FRMD6: variants seen among roughly 807,000 people sequenced by gnomAD.
FRMD6 encodes FERM domain-containing protein 6.
A neutral mutation model predicts 73.2 loss-of-function variants in FRMD6; 37 were observed. That is an observed-to-expected ratio of 0.51 (90% CI 0.39 to 0.66). The LOEUF is 0.66. Ranked by LOEUF, FRMD6 falls within the 30% of genes least tolerant of loss-of-function variation. The probability of loss-of-function intolerance (pLI) is 0.00; values close to 1 mark genes in which losing one functional copy is unlikely to be tolerated. For synonymous variants in FRMD6, 273 were observed against 282.2 expected (o/e 0.97, Z 0.33); for missense variants, 714 against 780.5 (o/e 0.91, Z 1.02).
chr14:51,647,207 T>G (rs1892115730), upstream of FRMD6, among the ~76,000 whole-genome samples: 1 of 152,226 alleles, frequency 6.6e-6, no homozygotes, highest in Admixed American at 6.5e-5. Flanking sequence ...TTTAATGAAT[T>G]TAATTTTTTC....
the FRMD6 span, among the ~76,000 whole-genome samples, chr14:51,480,612 C>T: frequency 6.6e-6 from 1 of 152,070 alleles, no homozygotes; most frequent in African/African-American, 2.4e-5. Context: ...TATACAATGA[C>T]TACATTGATT....
intron 1 of FRMD6, among the ~76,000 whole-genome samples, chr14:51,498,673 T>G (rs986258075): frequency 5.3e-5 from 8 of 152,184 alleles, no homozygotes; most frequent in Non-Finnish European, 2.9e-5. Flanking sequence ...GGTGGCAGTG[T>G]TCTGAGAGTA....
At chr14:51,610,329 C>CTTT (rs141213133) in intron 2 of FRMD6, among the ~76,000 whole-genome samples, 3 of 138,606 alleles carry the variant, frequency 2.2e-5, no homozygotes, top group Non-Finnish European at 3.2e-5. Flanking sequence ...TTTTTAATCC[C>CTTT]TTTTTTTTTA....
chr14:51,727,618 G>T (rs781378665), intron 13 of FRMD6, 127 bp from the exon 14 acceptor site: 14 of 872,992 alleles, frequency 1.6e-5, no homozygotes, highest in African/African-American at 3.4e-5. Flanking sequence ...AGAAACCACA[G>T]ATTGGAAACC....
chr14:51,587,238 C>T (rs1889100429), intron 2 of FRMD6, among the ~76,000 whole-genome samples: 1 of 152,150 alleles, frequency 6.6e-6, no homozygotes, highest in African/African-American at 2.4e-5. Context: ...GTTCCCTATT[C>T]TGTTCCATTG....
At chr14:51,522,100 A>G (rs1176003568) in intron 1 of FRMD6, among the ~76,000 whole-genome samples, 3 of 152,184 alleles carry the variant, frequency 2.0e-5, no homozygotes, top group Non-Finnish European at 2.9e-5. Flanking sequence ...ATAAAGTGAA[A>G]AGATAGAATT....
chr14:51,396,624 A>G, the FRMD6 span, among the ~76,000 whole-genome samples: 2 of 152,162 alleles, frequency 1.3e-5, no homozygotes, highest in Non-Finnish European at 2.9e-5. Flanking sequence ...ACACGTCCAG[A>G]GGTGAAGGCA....
chr14:51,436,960 C>T, the FRMD6 span: 2 of 950,664 alleles, frequency 2.1e-6, no homozygotes, highest in Non-Finnish European at 1.6e-6. Context: ...GAGAAGATGA[C>T]TAACAGAACA....
chr14:51,606,563 A>G (rs139482114), intron 2 of FRMD6, among the ~76,000 whole-genome samples: 40 of 152,292 alleles, frequency 2.6e-4, no homozygotes, highest in African/African-American at 7.2e-4. Flanking sequence ...CAGTCCATGA[A>G]TTATTTCTAT....
At chr14:51,722,993 A>G in intron 12 of FRMD6, among the ~76,000 whole-genome samples, 1 of 152,226 alleles carries the variant, frequency 6.6e-6, no homozygotes, top group East Asian at 1.9e-4. Flanking sequence ...CTTCAAGAGC[A>G]GGAGGCATCT....
At chr14:51,472,496 A>G in the FRMD6 span, among the ~76,000 whole-genome samples, 258 of 152,110 alleles carry the variant, frequency 1.7e-3, no homozygotes, top group Non-Finnish European at 1.8e-3. Context: ...GTAGAGACAG[A>G]GTTTCACCGT....
At chr14:51,696,867 G>A (rs1895975010) in intron 2 of FRMD6, among the ~76,000 whole-genome samples, 1 of 151,992 alleles carries the variant, frequency 6.6e-6, no homozygotes, top group Admixed American at 6.6e-5. Flanking sequence ...TCCTTGAAAG[G>A]ATACTTGTCC....
chr14:51,664,138 T>C (rs1175763695), intron 1 of FRMD6, among the ~76,000 whole-genome samples: 1 of 152,204 alleles, frequency 6.6e-6, no homozygotes, highest in Non-Finnish European at 1.5e-5. Context: ...TTGATCTGAC[T>C]AGGCCACACA....
At chr14:51,478,066 A>G in the FRMD6 span, among the ~76,000 whole-genome samples, 1 of 152,136 alleles carries the variant, frequency 6.6e-6, no homozygotes, top group Non-Finnish European at 1.5e-5. Flanking sequence ...GTTATATGAC[A>G]TGTTATATCT....
intron 1 of FRMD6, among the ~76,000 whole-genome samples, chr14:51,655,947 TTTTG>T (rs1303612063): frequency 1.3e-5 from 2 of 152,232 alleles, no homozygotes; most frequent in African/African-American, 4.8e-5. Context: ...TGGAAACATT[TTTTG>T]TTTAAGTGCT....
intron 11 of FRMD6, among the ~76,000 whole-genome samples, chr14:51,721,732 G>A (rs77401796): frequency 0.35 from 38,441 of 109,516 alleles, 6,636 homozygotes; most frequent in African/African-American, 0.47. Context: ...GGGAGGAAGG[G>A]AGGGAGGAAG....
the FRMD6 span, among the ~76,000 whole-genome samples, chr14:51,466,017 A>G: frequency 1.3e-5 from 2 of 152,336 alleles, no homozygotes; most frequent in South Asian, 4.1e-4. Flanking sequence ...ATAAAATTTC[A>G]CTGTCGTTTT....
intron 1 of FRMD6, among the ~76,000 whole-genome samples, chr14:51,556,487 A>G (rs1200413822): frequency 1.3e-5 from 2 of 152,136 alleles, no homozygotes; most frequent in African/African-American, 4.8e-5. Context: ...CTGTGGTGAC[A>G]TTTACTTAAT....
the FRMD6 span, among the ~76,000 whole-genome samples, chr14:51,400,785 G>T: frequency 1.3e-5 from 2 of 152,174 alleles, no homozygotes; most frequent in African/African-American, 4.8e-5. Context: ...TGGGGCATTA[G>T]ACAAAAGTTT....
Sources: gnomAD v4.1 joint callset for allele counts (sites outside exome capture counted in the v4.1 genomes callset) on GRCh38, gnomAD v4.1.1 for gene constraint, MANE v1.5 for transcripts, NCBI Gene and HGNC (gene_info 2026-07-23, HGNC 2026-07-21) for gene names.